RAPGEF2: variants seen among roughly 807,000 people sequenced by gnomAD.
RAPGEF2 encodes the protein Rap guanine nucleotide exchange factor 2.
RAPGEF2 carries 54 observed loss-of-function variants against 186.7 expected under a neutral mutation model. The ratio of observed to expected loss-of-function variants is 0.29; its 90% confidence interval spans 0.23 to 0.36. The LOEUF (loss-of-function observed/expected upper bound fraction) is 0.36, where lower values mean the gene tolerates loss of function less well. Ranked by LOEUF, RAPGEF2 falls within the 10% of genes least tolerant of loss-of-function variation. The pLI, the probability that RAPGEF2 is intolerant of heterozygous loss-of-function variation, is 1.00. For synonymous variants in RAPGEF2, 712 were observed against 705.9 expected, an observed-to-expected ratio of 1.01 and a Z score of -0.14; for missense variants, 1,532 against 2,045.0, an observed-to-expected ratio of 0.75 and a Z score of 4.84.
intron 29 of RAPGEF2, 66 bp from the exon 30 acceptor site, chr4:159,358,048 T>C: frequency 6.7e-7 from 1 of 1,496,870 alleles, no homozygotes; most frequent in Non-Finnish European, 9.2e-7. Context: ...GTGAATATAT[T>C]CTCTATAGCA....
At chr4:159,219,260 C>T (rs1228742370) in intron 4 of RAPGEF2, among the ~76,000 whole-genome samples, 2 of 150,008 alleles carry the variant, frequency 1.3e-5, no homozygotes, top group African/African-American at 4.9e-5. Flanking sequence ...GATAGTTTAT[C>T]AAGAATGGGC....
chr4:159,246,138 T>G (rs904761798), intron 7 of RAPGEF2, among the ~76,000 whole-genome samples: 2 of 152,164 alleles, frequency 1.3e-5, no homozygotes. Context: ...CACATTTTAT[T>G]AGTAGTCCTT....
At chr4:159,302,196 T>C (rs1383252844) in intron 7 of RAPGEF2, among the ~76,000 whole-genome samples, 2 of 152,212 alleles carry the variant, frequency 1.3e-5, no homozygotes, top group African/African-American at 4.8e-5. Context: ...GGCTTGGAGC[T>C]CTTACAACTC....
chr4:159,310,153 C>G (rs939371375), intron 8 of RAPGEF2, among the ~76,000 whole-genome samples: 1 of 152,094 alleles, frequency 6.6e-6, no homozygotes, highest in Non-Finnish European at 1.5e-5. Context: ...CAAATGTCTA[C>G]ACCTTAAGTA....
chr4:159,316,523 G>T (rs1764630409), intron 9 of RAPGEF2, among the ~76,000 whole-genome samples: 1 of 152,074 alleles, frequency 6.6e-6, no homozygotes, highest in Admixed American at 6.6e-5. Flanking sequence ...GTGTGTTCAT[G>T]TGTTCTCATC....
chr4:159,343,913 G>A (rs1310329260), intron 22 of RAPGEF2, 123 bp from the exon 23 acceptor site: 1 of 962,120 alleles, frequency 1.0e-6, no homozygotes, highest in African/African-American at 1.6e-5. Flanking sequence ...TGATTATGCA[G>A]TTTAATGTTT....
rs556917693 is a variant in RAPGEF2 at position 159,142,889 on chromosome 4, T to C, written c.69+38658T>C. Reference sequence around the variant, plus strand: ...GGTGATTTGTCAGGGCTGACACAGATGGTATGTGGAAGAACTAGTGGGGTA... The same window carrying C: ...GGTGATTTGTCAGGGCTGACACAGACGGTATGTGGAAGAACTAGTGGGGTA... On this transcript the variant is annotated intron_variant, in intron 1 of 29. Transcript: ENST00000691494. Among the ~76,000 whole-genome samples the C allele has an allele frequency of 4.5e-4, 69 of 152,306 alleles. 1 individual carries two copies. Among genetic ancestry groups the C allele is most frequent in the Admixed American group, 7.2e-4 (11 of 15,298 alleles).
At chr4:159,180,402 T>TA (rs540906465) in intron 1 of RAPGEF2, among the ~76,000 whole-genome samples, 86 of 152,334 alleles carry the variant, frequency 5.6e-4, no homozygotes, top group Non-Finnish European at 1.0e-3. Context: ...AAACATTACT[T>TA]ATGTGTTGCC....
At chr4:159,126,553 G>A (rs1740322813) in intron 1 of RAPGEF2, among the ~76,000 whole-genome samples, 1 of 149,016 alleles carries the variant, frequency 6.7e-6, no homozygotes, top group African/African-American at 2.5e-5. Flanking sequence ...AAAGCCTGAT[G>A]CCTCCCTGTC....
At chr4:159,145,954 G>T (rs568009111) in intron 1 of RAPGEF2, among the ~76,000 whole-genome samples, 1 of 152,294 alleles carries the variant, frequency 6.6e-6, no homozygotes, top group East Asian at 1.9e-4. Flanking sequence ...GGGAAAGGAA[G>T]CGTTGATAGG....
At chr4:159,224,209 G>T (rs957768874) in intron 4 of RAPGEF2, among the ~76,000 whole-genome samples, 3 of 152,086 alleles carry the variant, frequency 2.0e-5, no homozygotes, top group African/African-American at 7.2e-5. Flanking sequence ...CCATTTAAGT[G>T]AACTTCTAAA....
chr4:159,240,877 G>A (rs1753907160), intron 5 of RAPGEF2: 1 of 219,194 alleles, frequency 4.6e-6, no homozygotes, highest in South Asian at 1.9e-4. Context: ...CATAATGTGT[G>A]GTAATGTATC....
At chr4:159,268,045 TC>T (rs947749933) in intron 7 of RAPGEF2, 1 of 1,459,974 alleles carries the variant, frequency 6.8e-7, no homozygotes, top group African/African-American at 1.7e-5. Context: ...TTTTCCCTCC[TC>T]CCTTTTTTTT....
At chr4:159,179,687 G>A (rs1322929302) in intron 1 of RAPGEF2, among the ~76,000 whole-genome samples, 1 of 152,170 alleles carries the variant, frequency 6.6e-6, no homozygotes, top group East Asian at 1.9e-4. Context: ...AAACTTCTGT[G>A]TGAGAAGTGA....
At chr4:159,156,450 TA>T (rs1744129635) in intron 1 of RAPGEF2, among the ~76,000 whole-genome samples, 1 of 152,172 alleles carries the variant, frequency 6.6e-6, no homozygotes, top group Non-Finnish European at 1.5e-5. Flanking sequence ...GATTTGTATG[TA>T]ATTTTTTTTT....
intron 1 of RAPGEF2, among the ~76,000 whole-genome samples, chr4:159,144,596 C>T (rs781012176): frequency 6.6e-6 from 1 of 152,076 alleles, no homozygotes; most frequent in African/African-American, 2.4e-5. Context: ...TGCAGTCATT[C>T]GTTCTCATCA....
chr4:159,154,216 G>T (rs1743865727), intron 1 of RAPGEF2, among the ~76,000 whole-genome samples: 1 of 152,134 alleles, frequency 6.6e-6, no homozygotes, highest in African/African-American at 2.4e-5. Flanking sequence ...AATTTTCTTA[G>T]CTAACTAGAA....
In RAPGEF2 at chr4:159,241,187, G is replaced by T. The variant is rs187967652; in HGVS notation, c.358-14G>T. ...GTGTTTGGAGAAATGAAATTTTGGGGGGTTTTATTTCAGGTGGACTATATG... is the reference window on the plus strand; with the variant it reads ...GTGTTTGGAGAAATGAAATTTTGGGTGGTTTTATTTCAGGTGGACTATATG... On this transcript the variant is annotated splice_polypyrimidine_tract_variant and intron_variant, in intron 5 of 29. Coordinates refer to ENST00000691494, the MANE Select transcript of RAPGEF2 (RefSeq NM_001394067.2). 3 of 1,477,704 alleles carry T rather than the reference G, an allele frequency of 2.0e-6. No individual in the cohort carries two copies. The highest frequency in any genetic ancestry group is 2.5e-5 in the East Asian group (1 of 39,866). 91.5% of individuals were successfully genotyped at this position (1,477,704 alleles called of 1,614,324 possible).
chr4:159,131,546 T>A (rs1431452609), intron 1 of RAPGEF2, among the ~76,000 whole-genome samples: 3 of 140,024 alleles, frequency 2.1e-5, no homozygotes, highest in Admixed American at 1.4e-4. Context: ...TTTTTTTTTT[T>A]AGCTTTTGCT....
Sources: gnomAD v4.1 joint callset for allele counts (sites outside exome capture counted in the v4.1 genomes callset) on GRCh38, gnomAD v4.1.1 for gene constraint, MANE v1.5 for transcripts, NCBI Gene and HGNC (gene_info 2026-07-23, HGNC 2026-07-21) for gene names.